CTDP1: variants seen among roughly 807,000 people sequenced by gnomAD.
CTDP1 encodes the protein CTD phosphatase 1, also known as RNA polymerase II subunit A C-terminal domain phosphatase.
Under a neutral mutation model 91.8 loss-of-function variants are expected in CTDP1, and 47 were observed. That is an observed-to-expected ratio of 0.51 (90% CI 0.41 to 0.65). The LOEUF (loss-of-function observed/expected upper bound fraction) is 0.65. CTDP1 is among the 30% of genes least tolerant of loss of function. The pLI is 0.00. For synonymous variants in CTDP1, 656 were observed against 598.5 expected (o/e 1.10, Z -1.40); for missense variants, 1,272 against 1,373.7 (o/e 0.93, Z 1.17).
chr18:79,755,955 C>G (rs1043520871), downstream of CTDP1: 1 of 152,246 alleles, frequency 6.6e-6, no homozygotes, highest in Non-Finnish European at 1.5e-5. Flanking sequence ...CTGTTCTGAC[C>G]GTGTGGTCGA....
chr18:79,679,919 A>G lies in CTDP1; in HGVS notation c.-29A>G, dbSNP rs2085319954. 2 of 1,381,576 alleles carry G rather than the reference A, an allele frequency of 1.4e-6. No individual in the cohort carries two copies. Among genetic ancestry groups the G allele is most frequent in the Non-Finnish European group, 1.9e-6 (2 of 1,064,052 alleles). 85.6% of individuals were successfully genotyped at this position (1,381,576 alleles called of 1,614,324 possible). On this transcript the variant is annotated 5_prime_UTR_variant, in exon 1 of 13. Transcript: ENST00000613122. The stretch of plus-strand genomic sequence containing the variant: ...GCTCTGAGCGCAGCGCAGGCCCCGT[A>G]CCGACCGCCCGCCCGCCCTCTGTCC...
chr18:79,747,135 A>G (rs1192661683), intron 12 of CTDP1, among the ~76,000 whole-genome samples: 5 of 152,166 alleles, frequency 3.3e-5, no homozygotes, highest in East Asian at 1.9e-4. Context: ...TTTCATACCA[A>G]TACACGAAGC....
intron 10 of CTDP1, among the ~76,000 whole-genome samples, chr18:79,719,326 G>T (rs1195582292): frequency 6.6e-6 from 1 of 152,136 alleles, no homozygotes; most frequent in Non-Finnish European, 1.5e-5. Context: ...GTGGGCAGGT[G>T]CAGGGTGGCT....
chr18:79,679,453 G>A (rs1443099131), upstream of CTDP1: 1 of 456,368 alleles, frequency 2.2e-6, no homozygotes, highest in Non-Finnish European at 4.4e-6. Context: ...CGTAGTCTCG[G>A]GATGCTGGGT....
At chr18:79,736,071 C>G in intron 11 of CTDP1, 1 of 505,162 alleles carries the variant, frequency 2.0e-6, no homozygotes, top group Non-Finnish European at 3.6e-6. Flanking sequence ...CAACAGTGCA[C>G]CAGGAATAAA....
intron 1 of CTDP1, chr18:79,685,287 C>T (rs1374228991): frequency 6.6e-6 from 1 of 152,218 alleles, no homozygotes; most frequent in African/African-American, 2.4e-5. Context: ...TGACAGGTCA[C>T]CATCTTTCAG....
chr18:79,725,647 C>T (rs2086430938), intron 10 of CTDP1, among the ~76,000 whole-genome samples: 2 of 151,938 alleles, frequency 1.3e-5, no homozygotes, highest in South Asian at 2.1e-4. Flanking sequence ...GCGGAGTCTC[C>T]GGTGCTTGCC....
intron 2 of CTDP1, 106 bp downstream of exon 2, chr18:79,695,414 C>A: frequency 9.7e-7 from 1 of 1,026,092 alleles, no homozygotes; most frequent in Non-Finnish European, 1.5e-6. Flanking sequence ...CTTGGTTTCC[C>A]AGCGGCAGAT....
At chr18:79,743,816 G>C (rs561766864) in intron 12 of CTDP1, among the ~76,000 whole-genome samples, 4 of 152,216 alleles carry the variant, frequency 2.6e-5, no homozygotes. Flanking sequence ...AAAATACATC[G>C]TGAAACAGAT....
Position 79,704,883 on chromosome 18 carries a change from C to A in CTDP1, c.738C>A (p.Thr246=), listed in dbSNP as rs759650298. ...IAKLYELHVF[T]FGSRLYAHTI... ...AGCTGTACGAGCTGCACGTCTTCAC[C>A]TTCGGCAGCCGGCTGTACGCACACA... is the stretch of plus-strand genomic sequence containing the variant. The change falls in exon 5 of 13, where the codon ACC becomes ACA. Residue 246 remains threonine (T), a synonymous_variant. Transcript: ENST00000613122. The A allele has an allele frequency of 1.9e-6, 3 of 1,613,550 alleles. No homozygotes were observed. Among genetic ancestry groups the A allele is most frequent in the Non-Finnish European group, 1.7e-6 (2 of 1,180,064 alleles).
intron 1 of CTDP1, among the ~76,000 whole-genome samples, chr18:79,686,865 T>G (rs1372424635): frequency 1.3e-5 from 2 of 150,194 alleles, no homozygotes; most frequent in Non-Finnish European, 3.0e-5. Flanking sequence ...AGTTCACTGG[T>G]GGGCCTGCAC....
chr18:79,684,414 A>G (rs1231423758), intron 1 of CTDP1, among the ~76,000 whole-genome samples: 1 of 152,210 alleles, frequency 6.6e-6, no homozygotes, highest in Non-Finnish European at 1.5e-5. Flanking sequence ...GAGAGAGGTA[A>G]TGGAACCTGT....
In CTDP1 at chr18:79,714,637, C is replaced by A. The variant is rs751142100; in HGVS notation, c.1177C>A (p.Arg393=). The change falls in exon 8 of 13, where the codon CGG becomes AGG. Residue 393 remains arginine (R), a synonymous_variant. Transcript: ENST00000613122. ...ELNGSEAATP[R]DSPRPGKPDE... is the part of the protein sequence containing the mutation. ...GAACGGCAGCGAGGCCGCCACCCCG[C>A]GGGACTCACCCCGCCCCGGGAAGCC... The A allele has an allele frequency of 4.3e-6, 7 of 1,612,332 alleles. No homozygotes were observed. The East Asian group carries it at 8.9e-5, about 21-fold the overall frequency.
At chr18:79,746,988 G>T (rs779653916) in intron 12 of CTDP1, among the ~76,000 whole-genome samples, 5 of 152,174 alleles carry the variant, frequency 3.3e-5, no homozygotes, top group Non-Finnish European at 7.3e-5. Flanking sequence ...AAGGCTCCTG[G>T]TCGCGTGACT....
At chr18:79,733,340 A>C (rs1219843515) in intron 11 of CTDP1, among the ~76,000 whole-genome samples, 1 of 152,176 alleles carries the variant, frequency 6.6e-6, no homozygotes, top group Non-Finnish European at 1.5e-5. Flanking sequence ...GCTCACAAAG[A>C]GACTCACACC....
chr18:79,688,220 G>T (rs528201824), intron 1 of CTDP1, among the ~76,000 whole-genome samples: 1 of 152,198 alleles, frequency 6.6e-6, no homozygotes, highest in South Asian at 2.1e-4. Flanking sequence ...TCCCACCCCT[G>T]TGGCTGCACA....
Position 79,717,889 on chromosome 18 carries a change from A to G in CTDP1, c.2290A>G (p.Lys764Glu). Reference protein sequence around the residue: ...ALFHPMPVLPKAQPGPEVRIY... With the variant: ...ALFHPMPVLPEAQPGPEVRIY... ...GTTCCACCCGATGCCGGTTCTTCCCAAGGCCCAGCCTGGCCCCGAGGTTCG... is the reference window on the plus strand; with the variant it reads ...GTTCCACCCGATGCCGGTTCTTCCCGAGGCCCAGCCTGGCCCCGAGGTTCG... The change falls in exon 10 of 13, where the codon AAG (lysine) becomes GAG (glutamate). Residue 764 changes from lysine to glutamate, a missense_variant. Transcript: ENST00000613122. 1 of 1,613,534 alleles carries G rather than the reference A, an allele frequency of 6.2e-7. No individual in the cohort carries two copies. Among genetic ancestry groups the G allele is most frequent in the South Asian group, 1.1e-5 (1 of 91,084 alleles).
intron 4 of CTDP1, among the ~76,000 whole-genome samples, chr18:79,701,681 A>G (rs73009311): frequency 0.13 from 20,477 of 152,230 alleles, 1,629 homozygotes; most frequent in Non-Finnish European, 0.19. Flanking sequence ...GTGACATTGC[A>G]AGTGCCACCA....
At chr18:79,724,550 C>G (rs2510276) in intron 10 of CTDP1, among the ~76,000 whole-genome samples, 115,725 of 152,044 alleles carry the variant, frequency 0.76, 44,304 homozygotes, top group Middle Eastern at 0.79. Context: ...GAATAATTAC[C>G]CATCACTCCT....
Sources: gnomAD v4.1 joint callset for allele counts (sites outside exome capture counted in the v4.1 genomes callset) on GRCh38, gnomAD v4.1.1 for gene constraint, MANE v1.5 for transcripts, NCBI Gene and HGNC (gene_info 2026-07-23, HGNC 2026-07-21) for gene names.